LRRC4C: variants seen among roughly 807,000 people sequenced by gnomAD.
LRRC4C encodes leucine-rich repeat-containing protein 4C.
In LRRC4C, 5 loss-of-function variants were observed where a neutral mutation model predicts 33.6. The ratio of observed to expected loss-of-function variants is 0.15; its 90% CI spans 0.08 to 0.31. The LOEUF (loss-of-function observed/expected upper bound fraction) is 0.31. Among genes scored for constraint, LRRC4C ranks in the 10% least tolerant of loss-of-function variants. The pLI, the probability that LRRC4C is intolerant of heterozygous loss-of-function variation, is 1.00. For missense variants in LRRC4C, 560 were observed against 796.7 expected (o/e 0.70, Z 3.58); for synonymous variants, 329 against 302.0 (o/e 1.09, Z -0.93).
intron 1 of LRRC4C, among the ~76,000 whole-genome samples, chr11:41,140,603 G>A (rs1039759256): frequency 6.6e-6 from 1 of 152,158 alleles, no homozygotes; most frequent in Non-Finnish European, 1.5e-5. Context: ...GATCTACTGT[G>A]CAATCAGGTC....
intron 1 of LRRC4C, among the ~76,000 whole-genome samples, chr11:41,274,879 G>C (rs1440175054): frequency 6.6e-6 from 1 of 152,138 alleles, no homozygotes; most frequent in Non-Finnish European, 1.5e-5. Flanking sequence ...ACACAATATG[G>C]TTTGGATGTT....
intron 2 of LRRC4C, among the ~76,000 whole-genome samples, chr11:40,683,324 A>G (rs1944794887): frequency 6.6e-6 from 1 of 152,182 alleles, no homozygotes; most frequent in Non-Finnish European, 1.5e-5. Flanking sequence ...TATATGAGAA[A>G]TCAAACACTC....
chr11:41,040,633 TA>T (rs1455139338), intron 1 of LRRC4C, among the ~76,000 whole-genome samples: 2 of 152,150 alleles, frequency 1.3e-5, no homozygotes, highest in African/African-American at 4.8e-5. Flanking sequence ...GGACTTCAAA[TA>T]AAGGGAAAGT....
At chr11:40,880,453 T>C (rs911265179) in intron 2 of LRRC4C, among the ~76,000 whole-genome samples, 3 of 150,998 alleles carry the variant, frequency 2.0e-5, no homozygotes, top group African/African-American at 7.3e-5. Context: ...TGGAGGAGTT[T>C]GACTTTTTAT....
At chr11:40,998,012 A>T (rs1854105233) in intron 1 of LRRC4C, among the ~76,000 whole-genome samples, 1 of 152,076 alleles carries the variant, frequency 6.6e-6, no homozygotes, top group South Asian at 2.1e-4. Context: ...CTAGCATCGT[A>T]GCTGGGCATA....
rs980244017 is a variant in LRRC4C, at chr11:41,042,558, C to T, written c.-495-108835G>A. 3.3e-5 allele frequency among the ~76,000 whole-genome samples: 5 copies of T among 152,190 alleles called. No individual in the cohort carries two copies. The South Asian group carries it at 1.0e-3, about 32-fold the overall frequency. ...CACACTTCCTTGCCGCAACTGGGTT[C>T]CCTCCACCTCCCTAAAGCTCTCTTC... On this transcript the variant is annotated intron_variant, in intron 1 of 6. Transcript: ENST00000528697.
chr11:40,575,499 T>A (rs1413847487), intron 3 of LRRC4C, among the ~76,000 whole-genome samples: 2 of 152,140 alleles, frequency 1.3e-5, no homozygotes, highest in Non-Finnish European at 2.9e-5. Flanking sequence ...ATCACCCTAC[T>A]TTTAAAATGT....
chr11:40,306,156 A>AAAACTATT (rs1434225973), intron 4 of LRRC4C, among the ~76,000 whole-genome samples: 4 of 152,232 alleles, frequency 2.6e-5, no homozygotes, highest in Non-Finnish European at 5.9e-5. Context: ...CATTAATGTT[A>AAAACTATT]AAACTATTTT....
chr11:40,775,814 T>C (rs1949968925), intron 2 of LRRC4C, among the ~76,000 whole-genome samples: 1 of 152,216 alleles, frequency 6.6e-6, no homozygotes, highest in Non-Finnish European at 1.5e-5. Flanking sequence ...AGCACCCTGT[T>C]GAACAGGAAT....
At chr11:41,043,128 A>T (rs1420312557) in intron 1 of LRRC4C, among the ~76,000 whole-genome samples, 1 of 90,644 alleles carries the variant, frequency 1.1e-5, no homozygotes, top group African/African-American at 4.3e-5. Flanking sequence ...AGAGTATTTG[A>T]TTTGATGAGC....
At chr11:41,059,399 G>A (rs1858900504) in intron 1 of LRRC4C, among the ~76,000 whole-genome samples, 1 of 151,852 alleles carries the variant, frequency 6.6e-6, no homozygotes, top group Non-Finnish European at 1.5e-5. Flanking sequence ...GATACAAGAA[G>A]TTCTAGTATC....
intron 3 of LRRC4C, among the ~76,000 whole-genome samples, chr11:40,628,293 C>A (rs529710451): frequency 1.3e-5 from 2 of 151,996 alleles, no homozygotes; most frequent in South Asian, 4.2e-4. Context: ...CTGGCTAACA[C>A]GGTGAAACCC....
intron 4 of LRRC4C, among the ~76,000 whole-genome samples, chr11:40,265,882 G>A (rs1213390124): frequency 2.0e-5 from 3 of 152,194 alleles, no homozygotes; most frequent in Admixed American, 6.5e-5. Context: ...TTTGCAAGAC[G>A]AGAAGGAAGA....
At chr11:41,125,418 A>G (rs1942687191) in intron 1 of LRRC4C, among the ~76,000 whole-genome samples, 1 of 152,240 alleles carries the variant, frequency 6.6e-6, no homozygotes, top group Non-Finnish European at 1.5e-5. Flanking sequence ...GCATAAAAAT[A>G]TGCCTATTTT....
chr11:40,200,784 A>AGAAAAG (rs1554971908), intron 5 of LRRC4C, among the ~76,000 whole-genome samples: 51 of 78,430 alleles, frequency 6.5e-4, no homozygotes, highest in African/African-American at 2.4e-3. Context: ...AAAAAAAAAA[A>AGAAAAG]AAAAGAAAAG....
chr11:41,211,161 T>C (rs1946805197), intron 1 of LRRC4C, among the ~76,000 whole-genome samples: 1 of 152,080 alleles, frequency 6.6e-6, no homozygotes, highest in Non-Finnish European at 1.5e-5. Flanking sequence ...AGAAGCTATA[T>C]TTAGAAAAGA....
At chr11:41,085,994 C>A (rs1939959924) in intron 1 of LRRC4C, among the ~76,000 whole-genome samples, 1 of 148,992 alleles carries the variant, frequency 6.7e-6, no homozygotes, top group African/African-American at 2.5e-5. Context: ...CCATTTCTCT[C>A]TCCACTTTTC....
At chr11:40,971,613 C>A (rs1851733982) in intron 1 of LRRC4C, among the ~76,000 whole-genome samples, 1 of 152,124 alleles carries the variant, frequency 6.6e-6, no homozygotes, top group Non-Finnish European at 1.5e-5. Context: ...ACACAGAGTT[C>A]CCACTGGGGT....
chr11:40,824,458 A>G (rs1952073524), intron 2 of LRRC4C, among the ~76,000 whole-genome samples: 1 of 151,872 alleles, frequency 6.6e-6, no homozygotes, highest in African/African-American at 2.4e-5. Flanking sequence ...CATATGTAAA[A>G]TAGGTAGCAG....
Sources: allele counts gnomAD v4.1 joint callset (sites outside exome capture counted in the v4.1 genomes callset), GRCh38; gene constraint gnomAD v4.1.1; transcripts MANE v1.5; gene names NCBI Gene and HGNC (gene_info 2026-07-23, HGNC 2026-07-21).